Variants in MUC3A observed in about 807,000 individuals in gnomAD.
The protein encoded by MUC3A is mucin 3A, cell surface associated.
In MUC3A, 109 loss-of-function variants were observed where a neutral mutation model predicts 109.0. That is an observed-to-expected ratio of 1.00 (90% CI 0.86 to 1.17). The LOEUF is 1.17. Among genes scored for constraint, MUC3A ranks in the 50% most tolerant of loss-of-function variants. The pLI is 0.00. For missense variants in MUC3A, 3,537 were observed against 2,469.4 expected, an observed-to-expected ratio of 1.43 and a Z score of -9.16; for synonymous variants, 1,398 against 981.4, an observed-to-expected ratio of 1.42 and a Z score of -7.93.
In MUC3A at chr7:100,968,131, G is replaced by C. The variant is rs370858306; in HGVS notation, c.*969G>C. 125,924 of 152,294 alleles carry C rather than the reference G, an allele frequency of 0.83. 49,842 individuals carry two copies. The highest frequency in any genetic ancestry group is 1 in the East Asian group (5,180 of 5,186). The allele number at this position is 152,294 out of a possible 1,614,324, so 9.4% of individuals were successfully genotyped here. A position where few individuals can be genotyped will look rare whatever the true frequency, so the allele number is the denominator to read the frequency against. ...AGTCTCCCTCCTCCTCATTTCCTTC[G>C]ATCCCCCTCCCTTCTTGCCTCCCCT... On this transcript the variant is annotated 3_prime_UTR_variant, in exon 12 of 12. Coordinates refer to ENST00000379458, the MANE Select transcript of MUC3A (RefSeq NM_005960.2).
intron 3 of MUC3A, 150 bp downstream of exon 3, chr7:100,961,087 C>A: frequency 1.3e-6 from 2 of 1,514,562 alleles, no homozygotes; most frequent in Non-Finnish European, 1.8e-6. Context: ...CTCCGCTGCC[C>A]TGTGTCATGC....
intron 3 of MUC3A, among the ~76,000 whole-genome samples, chr7:100,962,734 C>T (rs1792372514): frequency 6.7e-6 from 1 of 148,506 alleles, no homozygotes; most frequent in African/African-American, 2.5e-5. Flanking sequence ...TTTCTTCTTT[C>T]CCTCATCTTC....
In MUC3A at chr7:100,958,755, T is replaced by C. The variant is rs762817123; in HGVS notation, c.6976T>C (p.Ser2326Pro). The C allele has an allele frequency of 2.6e-6, 4 of 1,513,436 alleles. No individual in the cohort carries two copies. The highest frequency in any genetic ancestry group is 2.3e-5 in the East Asian group (1 of 42,788). 93.8% of individuals were successfully genotyped at this position (1,513,436 alleles called of 1,614,324 possible). ...CTCACACAGTGCTCACAGCTTCACT[T>C]CTTCGATCACCACCACCGAGACCAC... ...TTSHSAHSFT[S>P]SITTTETTSH... The change falls in exon 2 of 12, where the codon TCT becomes CCT. Residue 2326 changes from serine to proline, a missense_variant. Physicochemically the swap from Ser to Pro is moderately conservative, Grantham distance 74. Coordinates refer to ENST00000379458, the MANE Select transcript of MUC3A (RefSeq NM_005960.2).
At chr7:100,951,757 GGTGA>G (rs1791949268) in intron 1 of MUC3A, 80 bp from the exon 2 acceptor site, 2 of 1,543,694 alleles carry the variant, frequency 1.3e-6, no homozygotes, top group African/African-American at 1.4e-5. Context: ...CTGGAAAATG[GGTGA>G]GTGAGTAGCT....
rs771511454 is a variant in MUC3A, at chr7:100,959,739, T to A, written c.7960T>A (p.Ser2654Thr). The change falls in exon 2 of 12, where the codon TCT becomes ACT. Residue 2654 changes from serine (S) to threonine (T), a missense_variant. Physicochemically the swap from Ser to Thr is moderately conservative, Grantham distance 58. Coordinates refer to ENST00000379458, the MANE Select transcript of MUC3A (RefSeq NM_005960.2). ...TCCCTCATTGCAAACTTCACTCACA[T>A]CTACAAGTGAGTTCACTACAGAATC... is the stretch of plus-strand genomic sequence containing the variant. ...STPSLQTSLT[S>T]TSEFTTESFT... 4 of 1,598,496 alleles carry A rather than the reference T, an allele frequency of 2.5e-6. No individual in the cohort carries two copies. The highest frequency in any genetic ancestry group is 2.2e-5 in the South Asian group (2 of 91,074).
intron 4 of MUC3A, 44 bp from the exon 5 acceptor site, chr7:100,963,644 G>C (rs1347523865): frequency 1.3e-6 from 2 of 1,598,184 alleles, no homozygotes; most frequent in Non-Finnish European, 1.7e-6. Context: ...GTCCCCTCAG[G>C]TCTGCAGGTT....
At chr7:100,963,825 T>C in intron 5 of MUC3A, 73 bp downstream of exon 5, 1 of 1,583,736 alleles carries the variant, frequency 6.3e-7, no homozygotes, top group African/African-American at 1.3e-5. Context: ...AACCCATTCC[T>C]TTCTTTTGTA....
At position 100,960,242 on chromosome 7, in the gene MUC3A, C is replaced by A. The variant is rs73714255; in HGVS notation, c.8463C>A (p.Ile2821=). Residue 2821 remains isoleucine, a synonymous_variant, in exon 2 of 12, where the codon ATC becomes ATA. Transcript: ENST00000379458. The stretch of plus-strand genomic sequence containing the variant: ...TCACCTGTCCTACCTCCATCAGTAT[C>A]CAAACTACTCTTACTACATATATGG... ...EMVTCPTSIS[I]QTTLTTYMDT... is the part of the protein sequence containing the mutation. 18 of 1,596,282 alleles carry A rather than the reference C, an allele frequency of 1.1e-5. No individual in the cohort carries two copies. Among genetic ancestry groups the A allele is most frequent in the Non-Finnish European group, 1.4e-5 (17 of 1,178,124 alleles).
In MUC3A at chr7:100,959,454, G is replaced by A. The variant is rs1563068678; in HGVS notation, c.7675G>A (p.Glu2559Lys). The A allele has an allele frequency of 1.9e-6, 3 of 1,562,516 alleles. No individual in the cohort carries two copies. Among genetic ancestry groups the A allele is most frequent in the Admixed American group, 1.8e-5 (1 of 54,858 alleles). Residue 2559 changes from glutamate to lysine, a missense_variant, in exon 2 of 12, where the codon GAG (glutamate) becomes AAG (lysine). Coordinates refer to ENST00000379458, the MANE Select transcript of MUC3A (RefSeq NM_005960.2). Reference sequence around the variant, plus strand: ...TGTGAGAATGACCCTCAGAATTACTGAGAACACCCCAATCAGTTCCTTTAG... The same window carrying A: ...TGTGAGAATGACCCTCAGAATTACTAAGAACACCCCAATCAGTTCCTTTAG... ...STVRMTLRITENTPISSFSTS... is the reference protein window; with the variant it reads ...STVRMTLRITKNTPISSFSTS...
In MUC3A at chr7:100,958,760, G is replaced by A. The variant is rs111579886; in HGVS notation, c.6981G>A (p.Ser2327=). ...TSHSAHSFTS[S]ITTTETTSHN... ...ACAGTGCTCACAGCTTCACTTCTTC[G>A]ATCACCACCACCGAGACCACCTCAC... The change falls in exon 2 of 12, where the codon TCG becomes TCA. Residue 2327 remains serine (S), a synonymous_variant. Coordinates refer to ENST00000379458, the MANE Select transcript of MUC3A (RefSeq NM_005960.2). The A allele has an allele frequency of 8.6e-4, 689 of 800,064 alleles. No homozygotes were observed. Among genetic ancestry groups the A allele is most frequent in the Non-Finnish European group, 6.5e-4 (431 of 664,926 alleles). 49.6% of individuals were successfully genotyped at this position (800,064 alleles called of 1,614,324 possible). A position where few individuals can be genotyped will look rare whatever the true frequency, so the allele number is the denominator to read the frequency against.
At chr7:100,966,873 C>CTCCGCTCCTCTCCCCTTCTA in intron 10 of MUC3A, 26 bp from the exon 11 acceptor site, 1 of 1,587,508 alleles carries the variant, frequency 6.3e-7, no homozygotes, top group South Asian at 1.1e-5. Flanking sequence ...CTCCCCTTCT[C>CTCCGCTCCTCTCCCCTTCTA]TTTCTCCGCT....
In MUC3A at chr7:100,956,236, C is replaced by G; in HGVS notation, c.4457C>G (p.Thr1486Arg). 2.0e-6 allele frequency: 1 copy of G among 490,280 alleles called. No homozygotes were observed. The highest frequency in any genetic ancestry group is 3.3e-5 in the East Asian group (1 of 30,318). The allele number at this position is 490,280 out of a possible 1,614,324, so 30.4% of individuals were successfully genotyped here. ...TTEITYPTTM[T>R]ETSSTATSLP... ...GAAATCACCTATCCCACCACTATGA[C>G]AGAGACATCATCTACTGCCACCTCT... Residue 1486 changes from threonine to arginine, a missense_variant, in exon 2 of 12, where the codon ACA becomes AGA. By Grantham distance (71) the Thr-to-Arg change is moderately conservative. Transcript: ENST00000379458.
Position 100,960,151 on chromosome 7 carries a change from C to G in MUC3A, c.8372C>G (p.Pro2791Arg), listed in dbSNP as rs752689242. The part of the protein sequence containing the change: ...SPTDPCVEMD[P>R]STEATSPPTT... ...ACTGATCCATGTGTTGAAATGGATC[C>G]CAGCACTGAAGCTACTTCTCCTCCC... The change falls in exon 2 of 12, where the codon CCC becomes CGC. Residue 2791 changes from proline to arginine, a missense_variant. Pro to Arg is a moderately radical substitution (Grantham distance 103). Transcript: ENST00000379458. 6.4e-7 allele frequency: 1 copy of G among 1,561,690 alleles called. No individual in the cohort carries two copies. Among genetic ancestry groups the G allele is most frequent in the Non-Finnish European group, 8.6e-7 (1 of 1,159,836 alleles).
intron 1 of MUC3A, among the ~76,000 whole-genome samples, chr7:100,950,594 T>C (rs968448499): frequency 2.6e-5 from 4 of 152,308 alleles, no homozygotes; most frequent in African/African-American, 9.6e-5. Flanking sequence ...CAAGATGGGC[T>C]GTGCCCGAGG....
chr7:100,968,005 T>G lies in MUC3A; in HGVS notation c.*843T>G, dbSNP rs1554462725. 2.5e-5 allele frequency: 1 copy of G among 40,340 alleles called. No homozygotes were observed. The highest frequency in any genetic ancestry group is 2.2e-4 in the Admixed American group (1 of 4,644). 2.5% of individuals were successfully genotyped at this position (40,340 alleles called of 1,614,324 possible). On this transcript the variant is annotated 3_prime_UTR_variant, in exon 12 of 12. Coordinates refer to ENST00000379458, the MANE Select transcript of MUC3A (RefSeq NM_005960.2). ...GCTGCTGTTCCCCCCATCACCCTGCTGCCCAATTCTTTATTCTCCACCCCT... is the reference window on the plus strand; with the variant it reads ...GCTGCTGTTCCCCCCATCACCCTGCGGCCCAATTCTTTATTCTCCACCCCT...
At position 100,959,535 on chromosome 7, in the gene MUC3A, T is replaced by C. The variant is rs533939861; in HGVS notation, c.7756T>C (p.Ser2586Pro). Residue 2586 changes from serine (S) to proline (P), a missense_variant, in exon 2 of 12, where the codon TCA becomes CCA. Physicochemically the swap from Ser to Pro is moderately conservative, Grantham distance 74. Coordinates refer to ENST00000379458, the MANE Select transcript of MUC3A (RefSeq NM_005960.2). ...AACACAGACCCCTCCTGTACTGACG[T>C]CAGCCACTGGGACCCAAACATCTCC... ...TPTQTPPVLT[S>P]ATGTQTSPAP... 6.3e-7 allele frequency: 1 copy of C among 1,590,550 alleles called. No homozygotes were observed. Among genetic ancestry groups the C allele is most frequent in the Non-Finnish European group, 8.5e-7 (1 of 1,176,278 alleles).
Position 100,960,284 on chromosome 7 carries a change from G to T in MUC3A, c.8505G>T (p.Met2835Ile). Residue 2835 changes from methionine (M) to isoleucine (I), a missense_variant, in exon 2 of 12, where the codon ATG becomes ATT. By Grantham distance (10) the Met-to-Ile change is conservative. Transcript: ENST00000379458. ...LTTYMDTSSM[M>I]PESESSISPN... ...CATATATGGACACTTCTTCCATGAT[G>T]CCAGAAAGTGAGTCCAGCATCTCAC... 1 of 1,598,538 alleles carries T rather than the reference G, an allele frequency of 6.3e-7. No homozygotes were observed. The highest frequency in any genetic ancestry group is 8.5e-7 in the Non-Finnish European group (1 of 1,179,818).
intron 3 of MUC3A, among the ~76,000 whole-genome samples, chr7:100,961,394 C>CCAGCGAGG (rs1792320777): frequency 6.6e-6 from 1 of 152,160 alleles, no homozygotes; most frequent in African/African-American, 2.4e-5. Flanking sequence ...CCACAGCAAG[C>CCAGCGAGG]CTGCATCTCT....
Position 100,964,838 on chromosome 7 carries a change from C to A in MUC3A, c.9377C>A (p.Ser3126Tyr). The A allele has an allele frequency of 6.3e-7, 1 of 1,597,444 alleles. No individual in the cohort carries two copies. The highest frequency in any genetic ancestry group is 8.5e-7 in the Non-Finnish European group (1 of 1,179,000). ...CAGGATGTGAACAGCTGCCAGGACTCCCAGAGTGAGCCCAGGCTGGAGGGA... is the reference window on the plus strand; with the variant it reads ...CAGGATGTGAACAGCTGCCAGGACTACCAGAGTGAGCCCAGGCTGGAGGGA... ...ASQDVNSCQD[S>Y]QTLCFKPDSI... The change falls in exon 6 of 12, where the codon TCC (serine) becomes TAC (tyrosine). Residue 3126 changes from serine to tyrosine, a missense_variant. By Grantham distance (144) the Ser-to-Tyr change is moderately radical (BLOSUM62 -2). Coordinates refer to ENST00000379458, the MANE Select transcript of MUC3A (RefSeq NM_005960.2).
Sources: allele counts gnomAD v4.1 joint callset (sites outside exome capture counted in the v4.1 genomes callset), GRCh38; gene constraint gnomAD v4.1.1; transcripts MANE v1.5; gene names NCBI Gene and HGNC (gene_info 2026-07-23, HGNC 2026-07-21).